Variants in ASTN2 observed in about 807,000 individuals in gnomAD.
ASTN2 encodes the protein astrotactin 2.
Under a neutral mutation model 139.8 loss-of-function variants are expected in ASTN2, and 54 were observed. That is an observed-to-expected ratio of 0.39 (90% CI 0.31 to 0.48). The LOEUF (loss-of-function observed/expected upper bound fraction) is 0.48, where lower values mean the gene tolerates loss of function less well. Among genes scored for constraint, ASTN2 ranks in the 20% least tolerant of loss-of-function variants. The pLI, the probability that ASTN2 is intolerant of heterozygous loss-of-function variation, is 0.95. For missense variants in ASTN2, 1,565 were observed against 1,725.1 expected, an observed-to-expected ratio of 0.91 and a Z score of 1.64; for synonymous variants, 756 against 719.5, an observed-to-expected ratio of 1.05 and a Z score of -0.81.
intron 3 of ASTN2, among the ~76,000 whole-genome samples, chr9:117,210,831 C>A (rs1832097151): frequency 6.6e-6 from 1 of 151,840 alleles, no homozygotes. Flanking sequence ...CTGAATCCAA[C>A]ATGTCAAAAA....
intron 3 of ASTN2, among the ~76,000 whole-genome samples, chr9:117,171,010 A>C (rs1353575088): frequency 6.6e-6 from 1 of 152,116 alleles, no homozygotes. Flanking sequence ...TGGGAACCGC[A>C]TCATTACCAC....
intron 3 of ASTN2, among the ~76,000 whole-genome samples, chr9:117,143,296 G>A (rs1014716315): frequency 6.6e-6 from 1 of 152,160 alleles, no homozygotes; most frequent in African/African-American, 2.4e-5. Context: ...CAGACATGGG[G>A]TCCCTTCTTC....
Position 116,629,531 on chromosome 9 carries a change from C to G in ASTN2, c.3073-9088G>C, listed in dbSNP as rs535149848. On this transcript the variant is annotated intron_variant, in intron 17 of 22. Transcript: ENST00000313400. ...TCTATTTTGGACTCAACTTCAAATCCCAAGCAGTGCCCCCTGAACTTCTTC... is the reference window on the plus strand; with the variant it reads ...TCTATTTTGGACTCAACTTCAAATCGCAAGCAGTGCCCCCTGAACTTCTTC... Among the ~76,000 whole-genome samples, 8 of 152,242 alleles carry G rather than the reference C, an allele frequency of 5.3e-5. No individual in the cohort carries two copies. The East Asian group carries it at 1.5e-3, about 29-fold the overall frequency.
In ASTN2 at chr9:117,141,428, T is replaced by C. The variant is rs371062360; in HGVS notation, c.1066A>G (p.Lys356Glu). 6.6e-6 allele frequency: 9 copies of C among 1,367,490 alleles called. No homozygotes were observed. The highest frequency in any genetic ancestry group is 6.9e-6 in the Non-Finnish European group (7 of 1,021,830). 84.7% of individuals were successfully genotyped at this position (1,367,490 alleles called of 1,614,324 possible). A position where few individuals can be genotyped will look rare whatever the true frequency, so the allele number is the denominator to read the frequency against. Residue 356 changes from lysine (K) to glutamate (E), a missense_variant, in exon 4 of 23, where the codon AAG becomes GAG. Lys to Glu is a moderately conservative substitution (Grantham distance 56, BLOSUM62 1). Coordinates refer to ENST00000313400, the MANE Select transcript of ASTN2 (RefSeq NM_001365068.1). ...GGCGTGTTAGCGCGGAAACTCTCCT[T>C]GAACTTCTGCATCAGGGACTCCACT... ...ETVESLMQKF[K>E]ESFRANTPIE...
At position 117,225,535 on chromosome 9, in the gene ASTN2, GTATATATA is replaced by G. The variant is rs58184768; in HGVS notation, c.631-10801_631-10794del. ...CAAGACCAGCCTGGCCAAGCTGTAT[GTATATATA>G]TATATATATATATATATATATATAT... On this transcript the variant is annotated intron_variant, in intron 2 of 22. Transcript: ENST00000313400. Among the ~76,000 whole-genome samples the G allele has an allele frequency of 4.1e-3, 261 of 63,954 alleles. 18 individuals are homozygous for G. Among genetic ancestry groups the G allele is most frequent in the East Asian group, 0.02 (8 of 404 alleles). 42.0% of individuals were successfully genotyped at this position (63,954 alleles called of 152,430 possible).
intron 20 of ASTN2, among the ~76,000 whole-genome samples, chr9:116,448,415 T>C (rs950172796): frequency 1.3e-5 from 2 of 152,226 alleles, no homozygotes; most frequent in Non-Finnish European, 2.9e-5. Flanking sequence ...TGCCCATCTC[T>C]ATGCTTCAGC....
At chr9:117,322,392 G>A (rs1828358291) in intron 1 of ASTN2, among the ~76,000 whole-genome samples, 1 of 152,176 alleles carries the variant, frequency 6.6e-6, no homozygotes, top group South Asian at 2.1e-4. Context: ...CAGTCCTACT[G>A]TGTATATCCT....
At chr9:116,435,336 C>T (rs1337195148) in intron 22 of ASTN2, among the ~76,000 whole-genome samples, 1 of 152,210 alleles carries the variant, frequency 6.6e-6, no homozygotes, top group Non-Finnish European at 1.5e-5. Context: ...TGATGTTCTG[C>T]ATACTTGCTA....
At chr9:116,593,766 C>A (rs1854462752) in intron 19 of ASTN2, among the ~76,000 whole-genome samples, 2 of 152,182 alleles carry the variant, frequency 1.3e-5, no homozygotes, top group Admixed American at 6.5e-5. Flanking sequence ...TCTCCAGACA[C>A]CTTTCATTTC....
At chr9:117,144,676 T>G (rs1346822176) in intron 3 of ASTN2, among the ~76,000 whole-genome samples, 8 of 25,322 alleles carry the variant, frequency 3.2e-4, no homozygotes, top group Admixed American at 5.4e-4. Context: ...TTTTTTTTTT[T>G]TTTTTTTTTT....
chr9:116,494,230 T>C (rs1849605244), intron 19 of ASTN2, among the ~76,000 whole-genome samples: 1 of 152,144 alleles, frequency 6.6e-6, no homozygotes, highest in African/African-American at 2.4e-5. Context: ...CTACCACTTA[T>C]GAACTATATT....
At chr9:116,916,225 C>A (rs566213189) in intron 10 of ASTN2, among the ~76,000 whole-genome samples, 52 of 152,220 alleles carry the variant, frequency 3.4e-4, no homozygotes, top group African/African-American at 1.2e-3. Context: ...AATGGCCCAC[C>A]ATCAGTGAAA....
chr9:117,363,057 CCT>C (rs1277791070), intron 1 of ASTN2, among the ~76,000 whole-genome samples: 1 of 152,122 alleles, frequency 6.6e-6, no homozygotes, highest in African/African-American at 2.4e-5. Flanking sequence ...CCAAAATACC[CCT>C]GATGCCAGCC....
At chr9:117,107,295 T>C (rs1829131707) in intron 4 of ASTN2, among the ~76,000 whole-genome samples, 1 of 152,186 alleles carries the variant, frequency 6.6e-6, no homozygotes, top group African/African-American at 2.4e-5. Flanking sequence ...TACACATCCC[T>C]ATGCATCCCC....
intron 6 of ASTN2, among the ~76,000 whole-genome samples, chr9:117,030,447 C>G (rs1838214625): frequency 6.6e-6 from 1 of 152,158 alleles, no homozygotes; most frequent in Non-Finnish European, 1.5e-5. Context: ...AATTAGTCTC[C>G]AATTTTGGAC....
At chr9:116,456,242 C>T (rs558468494) in intron 20 of ASTN2, among the ~76,000 whole-genome samples, 28 of 151,144 alleles carry the variant, frequency 1.9e-4, no homozygotes, top group Non-Finnish European at 3.2e-4. Flanking sequence ...GAAAAAGAAA[C>T]GAAGAAAGGA....
chr9:116,705,479 G>A (rs1409340196), intron 16 of ASTN2, among the ~76,000 whole-genome samples: 2 of 152,118 alleles, frequency 1.3e-5, no homozygotes, highest in Non-Finnish European at 2.9e-5. Context: ...TCCCTATACA[G>A]ATAAAACCAG....
rs113123850 is a variant in ASTN2, at chr9:116,806,918, G to A, written c.2208-1098C>T. The stretch of plus-strand genomic sequence containing the variant: ...TATGTATTTATTATCTAACCATGAA[G>A]AAAGAAAGAGTAATATCATAATTTC... On this transcript the variant is annotated intron_variant, in intron 12 of 22. Coordinates refer to ENST00000313400, the MANE Select transcript of ASTN2 (RefSeq NM_001365068.1). 3.4e-3 allele frequency among the ~76,000 whole-genome samples: 522 copies of A among 152,052 alleles called. 1 individual carries two copies. The highest frequency in any genetic ancestry group is 5.6e-3 in the Non-Finnish European group (381 of 67,980).
chr9:117,091,156 C>A (rs149910847), intron 5 of ASTN2, among the ~76,000 whole-genome samples: 1 of 152,308 alleles, frequency 6.6e-6, no homozygotes, highest in East Asian at 1.9e-4. Context: ...GGCCCTTTCC[C>A]AGCAGGCAGG....
Sources: gnomAD v4.1 joint callset for allele counts (sites outside exome capture counted in the v4.1 genomes callset) on GRCh38, gnomAD v4.1.1 for gene constraint, MANE v1.5 for transcripts, NCBI Gene and HGNC (gene_info 2026-07-23, HGNC 2026-07-21) for gene names.